The following CAB39L variants were observed in gnomAD, a reference collection of about 807,000 sequenced individuals.
The protein encoded by CAB39L is calcium-binding protein 39-like.
Under a neutral mutation model 39.1 loss-of-function variants are expected in CAB39L, and 23 were observed. The ratio of observed to expected loss-of-function variants is 0.59; its 90% CI spans 0.42 to 0.83. The LOEUF is 0.83. Among genes scored for constraint, CAB39L ranks in the 40% least tolerant of loss-of-function variants. CAB39L has a pLI of 0.00. For missense variants in CAB39L, 366 were observed against 391.9 expected, an observed-to-expected ratio of 0.93 and a Z score of 0.56; for synonymous variants, 126 against 137.2, an observed-to-expected ratio of 0.92 and a Z score of 0.57.
At chr13:49,333,787 T>C (rs962647235) in intron 9 of CAB39L, among the ~76,000 whole-genome samples, 1 of 151,876 alleles carries the variant, frequency 6.6e-6, no homozygotes, top group Middle Eastern at 3.2e-3. Flanking sequence ...TTAGCCAGGA[T>C]GGTCTCGATC....
Position 49,359,763 on chromosome 13 carries a change from C to T in CAB39L, c.346G>A (p.Val116Met). Residue 116 changes from valine to methionine, a missense_variant, in exon 6 of 11, where the codon GTG becomes ATG. Val to Met is a conservative substitution (Grantham distance 21). Transcript: ENST00000409308. Reference sequence around the variant, plus strand: ...TGAGGATGAGCACTAATATACTCCACAGTAGGACTCCGAGTGCCTATCTGT... The same window carrying T: ...TGAGGATGAGCACTAATATACTCCATAGTAGGACTCCGAGTGCCTATCTGT... ...RRQIGTRSPT[V>M]EYISAHPHIL... 1 of 1,612,978 alleles carries T rather than the reference C, an allele frequency of 6.2e-7. No homozygotes were observed. Among genetic ancestry groups the T allele is most frequent in the Non-Finnish European group, 8.5e-7 (1 of 1,178,994 alleles).
At chr13:49,344,012 A>G (rs1955074764) in intron 8 of CAB39L, among the ~76,000 whole-genome samples, 167 bp downstream of exon 8, 1 of 152,188 alleles carries the variant, frequency 6.6e-6, no homozygotes, top group Non-Finnish European at 1.5e-5. Context: ...TGCCATCTCA[A>G]TTTTCCATAA....
intron 3 of CAB39L, among the ~76,000 whole-genome samples, chr13:49,418,723 C>T (rs1295978374): frequency 6.6e-6 from 1 of 151,966 alleles, no homozygotes; most frequent in Non-Finnish European, 1.5e-5. Flanking sequence ...CAACCATGCC[C>T]GGCTAATTGT....
At chr13:49,344,149 G>C in intron 8 of CAB39L, 30 bp downstream of exon 8, 1 of 1,355,548 alleles carries the variant, frequency 7.4e-7, no homozygotes, top group South Asian at 1.2e-5. Flanking sequence ...AGAGAAAGTG[G>C]GAAAGTCTTT....
chr13:49,348,129 A>G (rs1955234933), intron 7 of CAB39L, among the ~76,000 whole-genome samples: 1 of 151,906 alleles, frequency 6.6e-6, no homozygotes, highest in African/African-American at 2.4e-5. Flanking sequence ...CTTCCCTTCA[A>G]ACCCGGACGC....
chr13:49,308,969 C>T lies in CAB39L; in HGVS notation c.*1845G>A, dbSNP rs1953912065. On this transcript the variant is annotated 3_prime_UTR_variant, in exon 11 of 11. Coordinates refer to ENST00000409308, the MANE Select transcript of CAB39L (RefSeq NM_001079670.3). ...TCAGAAAAGAATAATAACAAGGCCT[C>T]ACTCTCCAAAGGAAAACAGACGTCC... The T allele has an allele frequency of 6.6e-6, 1 of 152,182 alleles. No individual in the cohort carries two copies. Among genetic ancestry groups the T allele is most frequent in the South Asian group, 2.1e-4 (1 of 4,834 alleles). The allele number at this position is 152,182 out of a possible 1,614,324, so 9.4% of individuals were successfully genotyped here.
chr13:49,387,460 G>A (rs1420731072), intron 3 of CAB39L, among the ~76,000 whole-genome samples: 2 of 152,198 alleles, frequency 1.3e-5, no homozygotes, highest in Non-Finnish European at 2.9e-5. Context: ...CCTAGGCATT[G>A]AAAACGGTGT....
intron 7 of CAB39L, among the ~76,000 whole-genome samples, chr13:49,347,251 A>G (rs1848563741): frequency 6.6e-6 from 1 of 152,212 alleles, no homozygotes; most frequent in South Asian, 2.1e-4. Context: ...TCAATGGAAA[A>G]TTGGCTTAAA....
intron 3 of CAB39L, among the ~76,000 whole-genome samples, chr13:49,432,612 C>T (rs1393219780): frequency 6.6e-6 from 1 of 152,050 alleles, no homozygotes; most frequent in Non-Finnish European, 1.5e-5. Flanking sequence ...ATTTTAACTA[C>T]AATTATTTGA....
At chr13:49,327,611 A>G (rs193194701) in intron 10 of CAB39L, among the ~76,000 whole-genome samples, 34 of 152,064 alleles carry the variant, frequency 2.2e-4, no homozygotes, top group Admixed American at 1.6e-3. Context: ...GATTCCATGC[A>G]TGTTTTTGGA....
chr13:49,437,712 A>G (rs1299528490), intron 1 of CAB39L, among the ~76,000 whole-genome samples: 2 of 152,212 alleles, frequency 1.3e-5, no homozygotes, highest in Non-Finnish European at 2.9e-5. Context: ...TTACATATCA[A>G]TAAATTTGTA....
chr13:49,440,387 A>G (rs542058974), intron 1 of CAB39L, among the ~76,000 whole-genome samples: 3 of 152,026 alleles, frequency 2.0e-5, no homozygotes, highest in Admixed American at 6.5e-5. Flanking sequence ...CCTTTTGTCA[A>G]TTTTGTTGAC....
At position 49,389,072 on chromosome 13, in the gene CAB39L, G is replaced by C. The variant is rs1956432649; in HGVS notation, c.-31-6131C>G. Reference sequence around the variant, plus strand: ...TCAAAATAAAAAAGAAGAAAGAAAAGTGTTGATGAGAATGCTGAGAAAAGG... The same window carrying C: ...TCAAAATAAAAAAGAAGAAAGAAAACTGTTGATGAGAATGCTGAGAAAAGG... On this transcript the variant is annotated intron_variant, in intron 3 of 10. Coordinates refer to ENST00000409308, the MANE Select transcript of CAB39L (RefSeq NM_001079670.3). Among the ~76,000 whole-genome samples the C allele has an allele frequency of 3.3e-5, 5 of 152,124 alleles. No individual in the cohort carries two copies. In the South Asian group the frequency reaches 1.0e-3, roughly 32 times the overall value.
Position 49,367,864 on chromosome 13 carries a change from T to C in CAB39L, c.277-8032A>G, listed in dbSNP as rs186756673. The stretch of plus-strand genomic sequence containing the variant: ...GCCTAGAAGGTGTAGGTGGAAGGTG[T>C]AGGTTGCAATAAGCTGAGATCATGC... On this transcript the variant is annotated intron_variant, in intron 5 of 10. Transcript: ENST00000409308. Among the ~76,000 whole-genome samples, 508 of 150,816 alleles carry C rather than the reference T, an allele frequency of 3.4e-3. 1 individual carries two copies. The highest frequency in any genetic ancestry group is 0.012 in the African/African-American group (495 of 40,918).
At chr13:49,373,946 G>A (rs1357603807) in intron 5 of CAB39L, among the ~76,000 whole-genome samples, 1 of 152,252 alleles carries the variant, frequency 6.6e-6, no homozygotes, top group Non-Finnish European at 1.5e-5. Context: ...CCAGTTCATA[G>A]AGATAACATA....
At chr13:49,358,371 T>C (rs1177399326) in intron 6 of CAB39L, among the ~76,000 whole-genome samples, 2 of 152,140 alleles carry the variant, frequency 1.3e-5, no homozygotes, top group Non-Finnish European at 2.9e-5. Flanking sequence ...GGAAAGGAAA[T>C]AGAATAATGG....
intron 7 of CAB39L, among the ~76,000 whole-genome samples, 185 bp downstream of exon 7, chr13:49,350,559 G>A (rs908572392): frequency 5.3e-5 from 8 of 152,154 alleles, no homozygotes; most frequent in African/African-American, 1.9e-4. Context: ...TTGTTTTCCT[G>A]CAATAGGACA....
intron 3 of CAB39L, among the ~76,000 whole-genome samples, chr13:49,386,314 T>G (rs576120039): frequency 1.3e-3 from 202 of 152,308 alleles, no homozygotes; most frequent in African/African-American, 4.6e-3. Flanking sequence ...TGATTCACTA[T>G]CTCCCCTTTT....
intron 3 of CAB39L, among the ~76,000 whole-genome samples, chr13:49,402,507 T>C (rs372968691): frequency 2.0e-5 from 3 of 152,134 alleles, no homozygotes; most frequent in East Asian, 3.8e-4. Flanking sequence ...TCCCACTATG[T>C]CCCCAGTCAA....
Sources: allele counts gnomAD v4.1 joint callset (sites outside exome capture counted in the v4.1 genomes callset), GRCh38; gene constraint gnomAD v4.1.1; transcripts MANE v1.5; gene names NCBI Gene and HGNC (gene_info 2026-07-23, HGNC 2026-07-21).